BMP6: variants seen among roughly 807,000 people sequenced by gnomAD.
BMP6 encodes bone morphogenetic protein 6, also known as VG-1-R.
In BMP6, 17 loss-of-function variants were observed where a neutral mutation model predicts 54.1. The ratio of observed to expected loss-of-function variants is 0.31; its 90% CI spans 0.22 to 0.47. The LOEUF is 0.47. Among genes scored for constraint, BMP6 ranks in the 20% least tolerant of loss-of-function variants. The pLI is 1.00. For missense variants in BMP6, 720 were observed against 690.4 expected (o/e 1.04, Z -0.48); for synonymous variants, 328 against 291.2 (o/e 1.13, Z -1.28).
intron 1 of BMP6, among the ~76,000 whole-genome samples, chr6:7,767,894 A>C (rs1250250591): frequency 6.6e-6 from 1 of 152,082 alleles, no homozygotes; most frequent in African/African-American, 2.4e-5. Context: ...GGTGTTGTGG[A>C]GGGGAAGCCC....
intron 1 of BMP6, among the ~76,000 whole-genome samples, chr6:7,798,844 G>A (rs1758229311): frequency 6.6e-6 from 1 of 152,228 alleles, no homozygotes; most frequent in Non-Finnish European, 1.5e-5. Context: ...AGAAACCCCT[G>A]CTAGGGTTAG....
intron 1 of BMP6, among the ~76,000 whole-genome samples, chr6:7,835,123 G>C (rs1344539811): frequency 1.3e-5 from 2 of 149,508 alleles, no homozygotes; most frequent in African/African-American, 5.1e-5. Context: ...GGAATGCTTT[G>C]TTTGTTTGTT....
rs960289084 is a variant in BMP6, at chr6:7,810,973, G to A, written c.665-34167G>A. On this transcript the variant is annotated intron_variant, in intron 1 of 6. Transcript: ENST00000283147. The stretch of plus-strand genomic sequence containing the variant: ...ACTTTGAAGCCTGGGTCTGAAACTG[G>A]GCCCTCATTGAAGTATCTTCAATGT... 3.3e-5 allele frequency among the ~76,000 whole-genome samples: 5 copies of A among 152,120 alleles called. No individual in the cohort carries two copies. In the South Asian group the frequency reaches 6.2e-4, roughly 19 times the overall value.
chr6:7,800,078 G>GT (rs1758246803), intron 1 of BMP6, among the ~76,000 whole-genome samples: 2 of 121,986 alleles, frequency 1.6e-5, no homozygotes, highest in Admixed American at 8.7e-5. Context: ...ATAAAGGAAG[G>GT]GGTGTGTGTG....
At chr6:7,875,214 A>T (rs998440280) in intron 4 of BMP6, among the ~76,000 whole-genome samples, 3 of 152,164 alleles carry the variant, frequency 2.0e-5, no homozygotes, top group African/African-American at 7.2e-5. Flanking sequence ...ACAATGACCC[A>T]GCTCGATAAA....
At chr6:7,762,870 T>C (rs568739769) in intron 1 of BMP6, among the ~76,000 whole-genome samples, 3 of 152,356 alleles carry the variant, frequency 2.0e-5, no homozygotes, top group East Asian at 3.9e-4. Flanking sequence ...GGCTTGATGT[T>C]TAAGCCGCCG....
intron 1 of BMP6, among the ~76,000 whole-genome samples, chr6:7,736,679 G>T (rs994687971): frequency 2.0e-5 from 3 of 152,236 alleles, no homozygotes; most frequent in African/African-American, 7.2e-5. Context: ...AATGGAGACA[G>T]AAATGTGGTA....
At chr6:7,769,529 G>A (rs1757751033) in intron 1 of BMP6, among the ~76,000 whole-genome samples, 1 of 152,166 alleles carries the variant, frequency 6.6e-6, no homozygotes, top group African/African-American at 2.4e-5. Context: ...TAAGACCTCT[G>A]CAGTGTTTTT....
chr6:7,740,163 G>A (rs1762020482), intron 1 of BMP6, among the ~76,000 whole-genome samples: 1 of 152,056 alleles, frequency 6.6e-6, no homozygotes, highest in African/African-American at 2.4e-5. Flanking sequence ...CAGGTGACCT[G>A]CCACCAAGGC....
At chr6:7,728,194 G>A (rs1761782917) in intron 1 of BMP6, among the ~76,000 whole-genome samples, 1 of 152,116 alleles carries the variant, frequency 6.6e-6, no homozygotes, top group Admixed American at 6.5e-5. Flanking sequence ...AGTCCCAAAA[G>A]GACCGCGGAA....
rs146441645 is a variant in BMP6 at position 7,748,551 on chromosome 6, C to T, written c.664+20932C>T. 8.1e-4 allele frequency among the ~76,000 whole-genome samples: 123 copies of T among 152,262 alleles called. 2 individuals carry two copies. Among genetic ancestry groups the T allele is most frequent in the African/African-American group, 2.7e-3 (111 of 41,554 alleles). ...AGCTCATGCTTATGAGAGAAACCTACGAGGCTGAAGCATTATGTCAATGCA... is the reference window on the plus strand; with the variant it reads ...AGCTCATGCTTATGAGAGAAACCTATGAGGCTGAAGCATTATGTCAATGCA... On this transcript the variant is annotated intron_variant, in intron 1 of 6. Coordinates refer to ENST00000283147, the MANE Select transcript of BMP6 (RefSeq NM_001718.6).
At chr6:7,760,520 G>A (rs984838005) in intron 1 of BMP6, among the ~76,000 whole-genome samples, 1 of 152,118 alleles carries the variant, frequency 6.6e-6, no homozygotes, top group African/African-American at 2.4e-5. Flanking sequence ...AGGCTGGAGT[G>A]CAGTGGTGCA....
chr6:7,784,207 C>T (rs983641885), intron 1 of BMP6, among the ~76,000 whole-genome samples: 1 of 152,044 alleles, frequency 6.6e-6, no homozygotes, highest in African/African-American at 2.4e-5. Flanking sequence ...TTTCCTTCTT[C>T]CCAGTTTCCT....
intron 1 of BMP6, among the ~76,000 whole-genome samples, chr6:7,832,271 A>T (rs1468431084): frequency 6.6e-6 from 1 of 152,168 alleles, no homozygotes; most frequent in Non-Finnish European, 1.5e-5. Flanking sequence ...CTGCAAATTC[A>T]TATCTTGAAA....
chr6:7,813,198 TG>T (rs1251919816), intron 1 of BMP6, among the ~76,000 whole-genome samples: 3 of 56,236 alleles, frequency 5.3e-5, no homozygotes, highest in African/African-American at 9.0e-5. Context: ...ACACATAATT[TG>T]TATATCTCTG....
At chr6:7,856,797 C>T (rs1373449354) in intron 2 of BMP6, among the ~76,000 whole-genome samples, 3 of 150,936 alleles carry the variant, frequency 2.0e-5, no homozygotes, top group East Asian at 1.9e-4. Context: ...GGGGTTTCAC[C>T]GTTTTAGCCG....
intron 1 of BMP6, among the ~76,000 whole-genome samples, chr6:7,806,846 C>G (rs1020444829): frequency 1.3e-5 from 2 of 152,014 alleles, no homozygotes; most frequent in Non-Finnish European, 2.9e-5. Context: ...TGTCAAGAGG[C>G]CAATTAATGT....
intron 1 of BMP6, among the ~76,000 whole-genome samples, chr6:7,772,706 C>T (rs137966922): frequency 1.4e-3 from 210 of 152,284 alleles, no homozygotes; most frequent in Non-Finnish European, 2.5e-3. Context: ...GATTTCTTCT[C>T]AGAATCCATG....
intron 1 of BMP6, among the ~76,000 whole-genome samples, chr6:7,810,864 G>A (rs1270063564): frequency 1.3e-5 from 2 of 152,198 alleles, no homozygotes; most frequent in East Asian, 1.9e-4. Flanking sequence ...GTCTCTGAGA[G>A]GAAACATCCT....
Sources: gnomAD v4.1 joint callset for allele counts (sites outside exome capture counted in the v4.1 genomes callset) on GRCh38, gnomAD v4.1.1 for gene constraint, MANE v1.5 for transcripts, NCBI Gene and HGNC (gene_info 2026-07-23, HGNC 2026-07-21) for gene names.